The following SDCCAG8 variants were observed in gnomAD, a reference collection of about 807,000 sequenced individuals.
The protein encoded by SDCCAG8 is SHH signaling and ciliogenesis regulator SDCCAG8.
SDCCAG8 carries 74 observed loss-of-function variants against 101.8 expected under a neutral mutation model. The observed-to-expected ratio is 0.73, with a 90% CI of 0.60 to 0.88. The LOEUF (loss-of-function observed/expected upper bound fraction) is 0.88. Ranked by LOEUF, SDCCAG8 falls within the 40% of genes least tolerant of loss-of-function variation. The probability of loss-of-function intolerance (pLI) is 0.00; values close to 1 mark genes in which losing one functional copy is unlikely to be tolerated. For synonymous variants in SDCCAG8, 281 were observed against 292.9 expected (o/e 0.96, Z 0.41); for missense variants, 787 against 822.6 (o/e 0.96, Z 0.53).
At chr1:243,439,415 G>A (rs978183904) in intron 16 of SDCCAG8, among the ~76,000 whole-genome samples, 1 of 152,094 alleles carries the variant, frequency 6.6e-6, no homozygotes, top group African/African-American at 2.4e-5. Flanking sequence ...CCTGAGGTCA[G>A]GAGTTCAAGA....
At chr1:243,477,775 G>C (rs1471176479) in intron 16 of SDCCAG8, among the ~76,000 whole-genome samples, 1 of 152,220 alleles carries the variant, frequency 6.6e-6, no homozygotes, top group Non-Finnish European at 1.5e-5. Context: ...GGCACTGTGG[G>C]CTTCCCAACA....
intron 8 of SDCCAG8, among the ~76,000 whole-genome samples, chr1:243,310,573 T>C (rs960536449): frequency 1.3e-5 from 2 of 152,126 alleles, no homozygotes; most frequent in African/African-American, 2.4e-5. Flanking sequence ...AAATATCTTA[T>C]AATTGTGGGT....
intron 16 of SDCCAG8, among the ~76,000 whole-genome samples, chr1:243,477,723 A>G (rs1011976154): frequency 4.6e-5 from 7 of 152,216 alleles, no homozygotes; most frequent in African/African-American, 1.7e-4. Flanking sequence ...AAGAGCTGAA[A>G]GTGTCCCCTT....
chr1:243,469,446 T>C (rs1660792754), intron 16 of SDCCAG8, among the ~76,000 whole-genome samples: 1 of 152,244 alleles, frequency 6.6e-6, no homozygotes, highest in South Asian at 2.1e-4. Context: ...GAAATATACA[T>C]GCTGTCCTCA....
intron 13 of SDCCAG8, among the ~76,000 whole-genome samples, chr1:243,386,295 T>G (rs2078282878): frequency 6.6e-6 from 1 of 152,242 alleles, no homozygotes; most frequent in Non-Finnish European, 1.5e-5. Context: ...GCTTGTACCC[T>G]TATCCATTAA....
chr1:243,498,995 C>T (rs1021387664), intron 17 of SDCCAG8, among the ~76,000 whole-genome samples: 2 of 152,230 alleles, frequency 1.3e-5, no homozygotes, highest in Non-Finnish European at 2.9e-5. Context: ...ACACAGTGCA[C>T]AGTAGAAACT....
rs1157318381 is a variant in SDCCAG8 at position 243,256,102 on chromosome 1, C to A, written c.-72C>A. The A allele has an allele frequency of 6.9e-7, 1 of 1,446,974 alleles. No individual in the cohort carries two copies. Among genetic ancestry groups the A allele is most frequent in the African/African-American group, 1.4e-5 (1 of 71,608 alleles). 89.6% of individuals were successfully genotyped at this position (1,446,974 alleles called of 1,614,324 possible). ...AGGCGGGCGCTCCCCGGCCACAGGC[C>A]TGTTGTTCTCGGAAGGGAGAAAGCT... On this transcript the variant is annotated 5_prime_UTR_variant, in exon 1 of 18. The change creates a new upstream start codon in the 5' untranslated region. Transcript: ENST00000366541.
At chr1:243,472,055 A>C (rs745529270) in intron 16 of SDCCAG8, among the ~76,000 whole-genome samples, 5 of 152,170 alleles carry the variant, frequency 3.3e-5, no homozygotes, top group Non-Finnish European at 5.9e-5. Context: ...AGATCTGGTG[A>C]GTTTCTTCTC....
chr1:243,460,868 C>G (rs140634786), intron 16 of SDCCAG8, among the ~76,000 whole-genome samples: 1 of 152,306 alleles, frequency 6.6e-6, no homozygotes, highest in African/African-American at 2.4e-5. Flanking sequence ...GCCTGTGCCT[C>G]CCAGCACACC....
Position 243,486,136 on chromosome 1 carries a change from G to A in SDCCAG8, c.1986-2878G>A, listed in dbSNP as rs185017693. On this transcript the variant is annotated intron_variant, in intron 16 of 17. Coordinates refer to ENST00000366541, the MANE Select transcript of SDCCAG8 (RefSeq NM_006642.5). ...AGAATTGTTTGAACCCGGAGGCGGA[G>A]GTTGCGGTGAGCCGAGATCGCACCA... Among the ~76,000 whole-genome samples, 686 of 146,294 alleles carry A rather than the reference G, an allele frequency of 4.7e-3. 7 individuals carry two copies. The highest frequency in any genetic ancestry group is 0.015 in the African/African-American group (616 of 40,152).
intron 13 of SDCCAG8, 69 bp from the exon 14 acceptor site, chr1:243,415,633 A>G (rs2080521811): frequency 3.1e-6 from 5 of 1,604,908 alleles, no homozygotes; most frequent in African/African-American, 1.3e-5. Flanking sequence ...TCTCTGGTCT[A>G]TAGGGGACAT....
At chr1:243,269,415 T>A (rs960611418) in intron 1 of SDCCAG8, among the ~76,000 whole-genome samples, 3 of 151,192 alleles carry the variant, frequency 2.0e-5, no homozygotes, top group Admixed American at 1.3e-4. Flanking sequence ...AGATGAACTA[T>A]CACAGTAATA....
rs762007090 is a variant in SDCCAG8 at position 243,489,137 on chromosome 1, C to T, written c.2109C>T (p.Thr703=). The part of the protein sequence containing the change: ...SLSEEVDRLR[T]QLPSMPQSDC ...CGGAAGAGGTGGACCGGCTGCGGAC[C>T]CAGGTACTGTGCAGAACGCGGCGCA... Residue 703 remains threonine (T), a synonymous_variant, in exon 17 of 18, where the codon ACC becomes ACT. Transcript: ENST00000366541. The T allele has an allele frequency of 2.5e-6, 4 of 1,612,236 alleles. No homozygotes were observed. Among genetic ancestry groups the T allele is most frequent in the Non-Finnish European group, 2.5e-6 (3 of 1,179,864 alleles).
At chr1:243,267,107 G>A (rs2067675186) in intron 1 of SDCCAG8, 1 of 155,266 alleles carries the variant, frequency 6.4e-6, no homozygotes, top group Admixed American at 6.5e-5. Context: ...GCTGCGCGTG[G>A]TGGCGTGTAA....
At chr1:243,311,472 A>T (rs575825845) in intron 8 of SDCCAG8, among the ~76,000 whole-genome samples, 36 of 152,350 alleles carry the variant, frequency 2.4e-4, no homozygotes, top group African/African-American at 7.9e-4. Flanking sequence ...GACGAAGGCA[A>T]TGAAATTGAA....
chr1:243,358,301 G>C (rs1318894748), intron 12 of SDCCAG8, among the ~76,000 whole-genome samples: 3 of 151,854 alleles, frequency 2.0e-5, no homozygotes, highest in Non-Finnish European at 4.4e-5. Flanking sequence ...TTTTTTTAAA[G>C]AAGATATGTT....
intron 12 of SDCCAG8, among the ~76,000 whole-genome samples, chr1:243,374,662 T>C (rs2077490828): frequency 6.6e-6 from 1 of 152,124 alleles, no homozygotes; most frequent in African/African-American, 2.4e-5. Flanking sequence ...AATGTGTTTT[T>C]CGTGTACCTT....
intron 17 of SDCCAG8, among the ~76,000 whole-genome samples, chr1:243,494,537 A>G (rs1414357061): frequency 6.6e-6 from 1 of 152,210 alleles, no homozygotes; most frequent in East Asian, 1.9e-4. Flanking sequence ...CACCTCCAAC[A>G]GCAGACAGTT....
chr1:243,406,231 A>T (rs1204137293), intron 13 of SDCCAG8, among the ~76,000 whole-genome samples: 1 of 152,216 alleles, frequency 6.6e-6, no homozygotes, highest in East Asian at 1.9e-4. Flanking sequence ...ATTTTAGGTA[A>T]TAGCATATTT....
Sources: allele counts gnomAD v4.1 joint callset (sites outside exome capture counted in the v4.1 genomes callset), GRCh38; gene constraint gnomAD v4.1.1; transcripts MANE v1.5; gene names NCBI Gene and HGNC (gene_info 2026-07-23, HGNC 2026-07-21).